Variants in C8orf34 observed in about 807,000 individuals in gnomAD.
C8orf34 encodes uncharacterized protein C8orf34.
In C8orf34, 65 loss-of-function variants were observed where a neutral mutation model predicts 68.3. The observed-to-expected ratio is 0.95, with a 90% confidence interval of 0.78 to 1.17. The LOEUF is 1.17. Ranked by LOEUF, C8orf34 falls within the 50% of genes most tolerant of loss-of-function variation. The pLI is 0.00. For missense variants in C8orf34, 664 were observed against 655.4 expected, an observed-to-expected ratio of 1.01 and a Z score of -0.14; for synonymous variants, 244 against 241.2, an observed-to-expected ratio of 1.01 and a Z score of -0.11.
intron 7 of C8orf34, among the ~76,000 whole-genome samples, chr8:68,574,193 A>G (rs1816836884): frequency 6.6e-6 from 1 of 152,118 alleles, no homozygotes; most frequent in Non-Finnish European, 1.5e-5. Context: ...ACATCTGTAT[A>G]CATATGTAAG....
chr8:68,406,245 G>A (rs1197567837), intron 1 of C8orf34, among the ~76,000 whole-genome samples: 1 of 152,044 alleles, frequency 6.6e-6, no homozygotes, highest in African/African-American at 2.4e-5. Context: ...ACGTAGTTTT[G>A]GTCTTTCTTA....
At chr8:68,386,668 TTTC>T (rs1808275464) in intron 1 of C8orf34, among the ~76,000 whole-genome samples, 1 of 152,112 alleles carries the variant, frequency 6.6e-6, no homozygotes, top group Non-Finnish European at 1.5e-5. Context: ...ATTAAGGGAT[TTTC>T]TTCTTCTTTC....
chr8:68,442,318 T>C (rs1486410853), intron 2 of C8orf34, among the ~76,000 whole-genome samples: 1 of 152,038 alleles, frequency 6.6e-6, no homozygotes, highest in Non-Finnish European at 1.5e-5. Flanking sequence ...CTAACAGAAG[T>C]CAAGGACATG....
At chr8:68,490,493 C>T (rs1211035505) in intron 5 of C8orf34, among the ~76,000 whole-genome samples, 1 of 152,168 alleles carries the variant, frequency 6.6e-6, no homozygotes, top group African/African-American at 2.4e-5. Flanking sequence ...TTCTCCCTCA[C>T]ACCCTCTCTC....
At chr8:68,581,855 C>T (rs1017500162) in intron 7 of C8orf34, among the ~76,000 whole-genome samples, 1 of 152,082 alleles carries the variant, frequency 6.6e-6, no homozygotes, top group Admixed American at 6.6e-5. Context: ...GTTGGCAGAA[C>T]CAAATTTCAT....
intron 3 of C8orf34, among the ~76,000 whole-genome samples, chr8:68,463,495 G>T (rs901910260): frequency 1.5e-4 from 22 of 151,566 alleles, no homozygotes; most frequent in Non-Finnish European, 2.2e-4. Flanking sequence ...CCAAAAAAGA[G>T]AATTTTAGAC....
intron 10 of C8orf34, among the ~76,000 whole-genome samples, chr8:68,734,353 T>A (rs1822066384): frequency 6.6e-6 from 1 of 152,078 alleles, no homozygotes; most frequent in African/African-American, 2.4e-5. Flanking sequence ...GTCATTAACC[T>A]CTGCCAGGGG....
chr8:68,346,521 A>G (rs775517196), intron 1 of C8orf34, among the ~76,000 whole-genome samples: 22 of 152,116 alleles, frequency 1.4e-4, no homozygotes, highest in Non-Finnish European at 2.9e-4. Flanking sequence ...GGACAAATAT[A>G]CAATGATGTA....
Position 68,330,969 on chromosome 8 carries a change from T to TGGG in C8orf34, c.-43_-42insGGG. 5 of 1,326,928 alleles carry TGGG rather than the reference T, an allele frequency of 3.8e-6. No individual in the cohort carries two copies. The highest frequency in any genetic ancestry group is 4.9e-6 in the Non-Finnish European group (5 of 1,030,482). The allele number at this position is 1,326,928 out of a possible 1,614,324, so 82.2% of individuals were successfully genotyped here. On this transcript the variant is annotated 5_prime_UTR_variant, in exon 1 of 14. Transcript: ENST00000518698. The stretch of plus-strand genomic sequence containing the variant: ...CGAATTTCCCCACTGCGCCGGGCGC[T>TGGG]GCGGAGAGCGGCGAGGGTGGGCGCG...
chr8:68,556,573 C>T (rs1225312847), intron 7 of C8orf34, among the ~76,000 whole-genome samples: 1 of 152,078 alleles, frequency 6.6e-6, no homozygotes, highest in Admixed American at 6.6e-5. Context: ...CAGCAAACCC[C>T]AGGATCCGGG....
At chr8:68,812,055 A>G (rs1384756774) in intron 12 of C8orf34, among the ~76,000 whole-genome samples, 3 of 152,216 alleles carry the variant, frequency 2.0e-5, no homozygotes, top group Non-Finnish European at 2.9e-5. Context: ...AGAAAACACT[A>G]TAAAATAAGA....
At chr8:68,433,783 A>C (rs959865199) in intron 1 of C8orf34, among the ~76,000 whole-genome samples, 1 of 152,194 alleles carries the variant, frequency 6.6e-6, no homozygotes, top group African/African-American at 2.4e-5. Flanking sequence ...TTTTACTAAT[A>C]ATTTCTACTG....
intron 4 of C8orf34, among the ~76,000 whole-genome samples, chr8:68,481,667 T>G (rs112687369): frequency 9.3e-4 from 141 of 152,326 alleles, no homozygotes; most frequent in African/African-American, 3.2e-3. Flanking sequence ...ATTTTGGAGC[T>G]TTAAAATTTG....
chr8:68,602,644 A>T (rs1233009247), intron 7 of C8orf34, among the ~76,000 whole-genome samples: 1 of 152,080 alleles, frequency 6.6e-6, no homozygotes, highest in Non-Finnish European at 1.5e-5. Flanking sequence ...CAGCCAAACC[A>T]TATGAGGAAG....
intron 10 of C8orf34, among the ~76,000 whole-genome samples, chr8:68,773,252 G>A (rs1823405206): frequency 6.6e-6 from 1 of 152,102 alleles, no homozygotes; most frequent in Non-Finnish European, 1.5e-5. Context: ...CAAGCCTCTT[G>A]ACTTGGGCCA....
At chr8:68,528,948 A>G (rs562262047) in intron 6 of C8orf34, among the ~76,000 whole-genome samples, 11 of 152,160 alleles carry the variant, frequency 7.2e-5, no homozygotes, top group Non-Finnish European at 1.6e-4. Context: ...TGAGTCACTC[A>G]TGCTCCGCCT....
At chr8:68,346,186 A>T (rs527602240) in intron 1 of C8orf34, among the ~76,000 whole-genome samples, 12 of 152,180 alleles carry the variant, frequency 7.9e-5, no homozygotes, top group Middle Eastern at 3.4e-3. Context: ...TATATTTTAC[A>T]TACTAATTTC....
rs564608695 is a variant in C8orf34 at position 68,665,497 on chromosome 8, A to C, written c.1241+24986A>C. ...CCAAGATCCCATCCCACATTTACCA[A>C]GAGCACTGAATCCTGCTTAACTGAC... On this transcript the variant is annotated intron_variant, in intron 8 of 13. Coordinates refer to ENST00000518698, the MANE Select transcript of C8orf34 (RefSeq NM_052958.4). Among the ~76,000 whole-genome samples, 4 of 152,252 alleles carry C rather than the reference A, an allele frequency of 2.6e-5. No individual in the cohort carries two copies. In the South Asian group the frequency reaches 8.3e-4, roughly 32 times the overall value.
At chr8:68,691,696 G>A (rs1230642724) in intron 8 of C8orf34, among the ~76,000 whole-genome samples, 2 of 151,972 alleles carry the variant, frequency 1.3e-5, no homozygotes, top group African/African-American at 2.4e-5. Context: ...TTTATTCAAA[G>A]TTCAAATTCT....
Sources: gnomAD v4.1 joint callset for allele counts (sites outside exome capture counted in the v4.1 genomes callset) on GRCh38, gnomAD v4.1.1 for gene constraint, MANE v1.5 for transcripts, NCBI Gene and HGNC (gene_info 2026-07-23, HGNC 2026-07-21) for gene names.